GLI2: variants seen among roughly 807,000 people sequenced by gnomAD.
GLI2 encodes transcription activator GLI2.
Under a neutral mutation model 78.9 loss-of-function variants are expected in GLI2, and 22 were observed. The ratio of observed to expected loss-of-function variants is 0.28; its 90% confidence interval spans 0.20 to 0.40. GLI2 has a LOEUF of 0.40. Ranked by LOEUF, GLI2 falls within the 10% of genes least tolerant of loss-of-function variation. The pLI, the probability that GLI2 is intolerant of heterozygous loss-of-function variation, is 1.00. For missense variants in GLI2, 2,097 were observed against 2,213.2 expected (o/e 0.95, Z 1.05); for synonymous variants, 974 against 963.7 (o/e 1.01, Z -0.20).
chr2:120,803,120 T>C (rs985592579), intron 2 of GLI2, among the ~76,000 whole-genome samples: 6 of 152,266 alleles, frequency 3.9e-5, no homozygotes, highest in Admixed American at 3.9e-4. Context: ...CTGATGTGCT[T>C]ACACAGGCCT....
chr2:120,825,456 GCTC>G (rs1181819566), intron 2 of GLI2, among the ~76,000 whole-genome samples: 6,496 of 151,036 alleles, frequency 0.043, 461 homozygotes, highest in African/African-American at 0.15. Flanking sequence ...TAAGGAGTGT[GCTC>G]CTGGCTGTGA....
rs1684009246 is a variant in GLI2 at position 120,786,769 on chromosome 2, AGT to A, written c.-30-10521_-30-10520del. On this transcript the variant is annotated intron_variant, in intron 1 of 13. Transcript: ENST00000361492. ...TGTGCCTCCTGCAGCAGACATTAGA[AGT>A]CGATTACTGCACTTTTCCTGACCTA... Among the ~76,000 whole-genome samples the A allele has an allele frequency of 2.0e-5, 3 of 152,286 alleles. No homozygotes were observed. The East Asian group carries it at 5.8e-4, about 30-fold the overall frequency.
rs769069630 is a variant in GLI2, at chr2:120,989,607, C to G, written c.3642C>G (p.Gly1214=). ...AGCAGCTGCGACAGCCAGTGGCAGG[C>G]AGCCAGTGTCCTGGCATGACTACCA... ...YMQQLRQPVA[G]SQCPGMTTTM... Residue 1214 remains glycine (G), a synonymous_variant, in exon 14 of 14, where the codon GGC becomes GGG. Transcript: ENST00000361492. 10 of 1,611,384 alleles carry G rather than the reference C, an allele frequency of 6.2e-6. No individual in the cohort carries two copies. Among genetic ancestry groups the G allele is most frequent in the African/African-American group, 1.3e-5 (1 of 74,912 alleles).
rs148007121 is a variant in GLI2, at chr2:120,812,526, G to A, written c.148+15058G>A. Reference sequence around the variant, plus strand: ...CACAGGGGTTTTCGAAGGACTGACCGTGCTGCCACCATGGGGGACCTGAGG... The same window carrying A: ...CACAGGGGTTTTCGAAGGACTGACCATGCTGCCACCATGGGGGACCTGAGG... On this transcript the variant is annotated intron_variant, in intron 2 of 13. Transcript: ENST00000361492. Among the ~76,000 whole-genome samples the A allele has an allele frequency of 1.2e-3, 181 of 152,248 alleles. 7 individuals carry two copies. In the East Asian group the frequency reaches 0.023, roughly 19 times the overall value.
intron 1 of GLI2, among the ~76,000 whole-genome samples, chr2:120,746,171 G>A (rs1682688168): frequency 6.6e-6 from 1 of 152,236 alleles, no homozygotes; most frequent in African/African-American, 2.4e-5. Context: ...GTCAGGAAAA[G>A]CTGGAGCAGG....
intron 2 of GLI2, among the ~76,000 whole-genome samples, chr2:120,817,980 C>T (rs1293634138): frequency 1.3e-5 from 2 of 152,226 alleles, no homozygotes; most frequent in African/African-American, 4.8e-5. Context: ...AGAAGGGTCC[C>T]CTGGTTTGCC....
At position 120,956,265 on chromosome 2, in the gene GLI2, C is replaced by T. The variant is rs77340133; in HGVS notation, c.643+835C>T. On this transcript the variant is annotated intron_variant, in intron 5 of 13. Coordinates refer to ENST00000361492, the MANE Select transcript of GLI2 (RefSeq NM_001374353.1). ...GGAGTTGAAGTTGACCTCAGGGTCT[C>T]GGGCCTGAGCATTTGAAGGATGGAG... Among the ~76,000 whole-genome samples the T allele has an allele frequency of 4.5e-4, 69 of 151,956 alleles. No individual in the cohort carries two copies. The East Asian group carries it at 0.011, about 25-fold the overall frequency.
intron 2 of GLI2, among the ~76,000 whole-genome samples, chr2:120,909,137 T>G (rs1382696764): frequency 6.6e-6 from 1 of 152,170 alleles, no homozygotes; most frequent in Non-Finnish European, 1.5e-5. Flanking sequence ...TGTCATTCAT[T>G]GGGAATAAAT....
At chr2:120,893,980 T>C (rs1319996879) in intron 2 of GLI2, among the ~76,000 whole-genome samples, 1 of 152,192 alleles carries the variant, frequency 6.6e-6, no homozygotes, top group African/African-American at 2.4e-5. Context: ...ACCTGACCCC[T>C]GCCCCTCCCA....
In GLI2 at chr2:120,982,772, G is replaced by A. The variant is rs1251113131; in HGVS notation, c.1524G>A (p.Arg508=). The change falls in exon 11 of 14, where the codon CGG becomes CGA. Residue 508 remains arginine, a synonymous_variant. Coordinates refer to ENST00000361492, the MANE Select transcript of GLI2 (RefSeq NM_001374353.1). ...TGGAGAACCTGAAGACACACCTGCG[G>A]TCCCACACCGGGGAGAAGCCATATG... ...SRLENLKTHL[R]SHTGEKPYVC... is the part of the protein sequence containing the mutation. 1 of 1,613,964 alleles carries A rather than the reference G, an allele frequency of 6.2e-7. No homozygotes were observed. The highest frequency in any genetic ancestry group is 8.5e-7 in the Non-Finnish European group (1 of 1,179,966).
At chr2:120,881,198 A>C (rs1435348954) in intron 2 of GLI2, among the ~76,000 whole-genome samples, 1 of 152,048 alleles carries the variant, frequency 6.6e-6, no homozygotes, top group South Asian at 2.1e-4. Context: ...TCTGAATCCT[A>C]CTCCAAATAC....
intron 2 of GLI2, among the ~76,000 whole-genome samples, chr2:120,907,536 G>A (rs112343648): frequency 5.9e-5 from 9 of 152,176 alleles, no homozygotes; most frequent in African/African-American, 1.4e-4. Context: ...TGCTTCTCAC[G>A]TTATTCAGCC....
intron 2 of GLI2, among the ~76,000 whole-genome samples, chr2:120,871,743 T>C (rs1379774361): frequency 1.3e-5 from 2 of 152,262 alleles, no homozygotes; most frequent in East Asian, 3.8e-4. Flanking sequence ...GGGTAGCAGC[T>C]ACTTGCAGTG....
chr2:120,846,149 G>T (rs1313356690), intron 2 of GLI2, among the ~76,000 whole-genome samples: 3 of 152,162 alleles, frequency 2.0e-5, no homozygotes, highest in African/African-American at 7.2e-5. Context: ...AGTCATTCTG[G>T]TTTCTTGCCG....
At chr2:120,816,888 G>A (rs938875130) in intron 2 of GLI2, among the ~76,000 whole-genome samples, 4 of 152,174 alleles carry the variant, frequency 2.6e-5, no homozygotes, top group South Asian at 4.1e-4. Flanking sequence ...ACCAAAACAC[G>A]ACATTATGGA....
intron 3 of GLI2, among the ~76,000 whole-genome samples, chr2:120,928,404 G>T (rs1270885031): frequency 6.6e-6 from 1 of 152,152 alleles, no homozygotes; most frequent in Non-Finnish European, 1.5e-5. Context: ...GGGGCAGTGT[G>T]ATCCTTCACA....
intron 2 of GLI2, among the ~76,000 whole-genome samples, chr2:120,878,055 A>T (rs1031527458): frequency 6.6e-6 from 1 of 152,212 alleles, no homozygotes; most frequent in Non-Finnish European, 1.5e-5. Flanking sequence ...AACTGTTGAG[A>T]TCAATATGGA....
chr2:120,764,563 G>C (rs918948433), intron 1 of GLI2, among the ~76,000 whole-genome samples: 1 of 152,244 alleles, frequency 6.6e-6, no homozygotes, highest in Admixed American at 6.5e-5. Context: ...CTGCAGACAA[G>C]CCTGACTTGG....
intron 1 of GLI2, among the ~76,000 whole-genome samples, chr2:120,794,256 G>A (rs915832652): frequency 2.6e-5 from 4 of 152,182 alleles, no homozygotes; most frequent in African/African-American, 9.7e-5. Flanking sequence ...GACACAGAAA[G>A]GTGAAGGGTT....
Sources: gnomAD v4.1 joint callset for allele counts (sites outside exome capture counted in the v4.1 genomes callset) on GRCh38, gnomAD v4.1.1 for gene constraint, MANE v1.5 for transcripts, NCBI Gene and HGNC (gene_info 2026-07-23, HGNC 2026-07-21) for gene names.